Variants in DNMT3B observed in about 807,000 individuals in gnomAD.
The protein encoded by DNMT3B is DNA (cytosine-5)-methyltransferase 3B.
DNMT3B carries 37 observed loss-of-function variants against 120.2 expected under a neutral mutation model. The observed-to-expected ratio is 0.31, with a 90% CI of 0.24 to 0.40. The LOEUF is 0.40. DNMT3B is among the 10% of genes least tolerant of loss of function. The pLI is 1.00. For synonymous variants in DNMT3B, 412 were observed against 442.8 expected (o/e 0.93, Z 0.87); for missense variants, 878 against 1,137.3 (o/e 0.77, Z 3.28).
At chr20:32,765,114 G>C (rs1987229396) in intron 1 of DNMT3B, among the ~76,000 whole-genome samples, 1 of 152,084 alleles carries the variant, frequency 6.6e-6, no homozygotes, top group Non-Finnish European at 1.5e-5. Context: ...AGAGGTATGA[G>C]GTTGTGTGCT....
chr20:32,791,003 T>C (rs1053149279), intron 7 of DNMT3B, among the ~76,000 whole-genome samples: 1 of 152,216 alleles, frequency 6.6e-6, no homozygotes, highest in African/African-American at 2.4e-5. Flanking sequence ...ATTTTCTCTC[T>C]CACTGGCAAC....
intron 1 of DNMT3B, among the ~76,000 whole-genome samples, chr20:32,773,386 TC>T (rs1987864666): frequency 6.6e-6 from 1 of 152,166 alleles, no homozygotes; most frequent in South Asian, 2.1e-4. Context: ...ACTGAGCAAT[TC>T]CCCAAACGCA....
intron 12 of DNMT3B, among the ~76,000 whole-genome samples, chr20:32,796,383 C>G (rs1305106300): frequency 6.6e-6 from 1 of 152,180 alleles, no homozygotes; most frequent in African/African-American, 2.4e-5. Flanking sequence ...GTTAAAGGAC[C>G]TGGATTCTGA....
intron 3 of DNMT3B, among the ~76,000 whole-genome samples, chr20:32,781,757 A>C (rs1181242028): frequency 1.3e-5 from 2 of 152,266 alleles, no homozygotes; most frequent in Non-Finnish European, 2.9e-5. Flanking sequence ...TTCTGGTAGC[A>C]TGATGGAATC....
intron 7 of DNMT3B, among the ~76,000 whole-genome samples, chr20:32,790,385 C>T (rs893829046): frequency 9.9e-5 from 15 of 152,124 alleles, no homozygotes; most frequent in African/African-American, 3.6e-4. Context: ...TAATACAATG[C>T]AGTGTGGGGC....
At chr20:32,773,396 C>T (rs1280271724) in intron 1 of DNMT3B, among the ~76,000 whole-genome samples, 1 of 152,122 alleles carries the variant, frequency 6.6e-6, no homozygotes, top group African/African-American at 2.4e-5. Context: ...TCCCCAAACG[C>T]ATTCTGAATT....
intron 1 of DNMT3B, among the ~76,000 whole-genome samples, chr20:32,769,236 C>T (rs145497781): frequency 3.2e-3 from 485 of 152,230 alleles, no homozygotes; most frequent in African/African-American, 6.2e-3. Context: ...TACAGGCGCC[C>T]GCCACCTTGC....
chr20:32,781,443 G>C (rs780432886), intron 3 of DNMT3B, 29 bp downstream of exon 3: 22 of 1,613,500 alleles, frequency 1.4e-5, no homozygotes, highest in Non-Finnish European at 1.7e-5. Flanking sequence ...CTTTTTCAGG[G>C]CTCAGGGACT....
At chr20:32,787,023 C>T (rs1303864751) in intron 5 of DNMT3B, among the ~76,000 whole-genome samples, 1 of 152,218 alleles carries the variant, frequency 6.6e-6, no homozygotes, top group Admixed American at 6.5e-5. Context: ...GTGCCTTTGT[C>T]ATCTTTCTGT....
intron 15 of DNMT3B, 39 bp from the exon 16 acceptor site, chr20:32,799,205 T>C (rs1601123263): frequency 1.9e-6 from 3 of 1,591,408 alleles, no homozygotes; most frequent in Non-Finnish European, 2.6e-6. Flanking sequence ...GTCTTTGCCC[T>C]GTGCCTTCAC....
Position 32,802,463 on chromosome 20 carries a change from A to T in DNMT3B, c.2224A>T (p.Met742Leu). The T allele has an allele frequency of 6.2e-7, 1 of 1,614,198 alleles. No homozygotes were observed. The highest frequency in any genetic ancestry group is 8.5e-7 in the Non-Finnish European group (1 of 1,180,032). ...ATACTTCTGGGGCAACCTACCCGGG[A>T]TGAACAGGTAACAAAGGGCTCTTAG... ...ARYFWGNLPGMNRPVIASKND... is the reference protein window; with the variant it reads ...ARYFWGNLPGLNRPVIASKND... The change falls in exon 20 of 23, where the codon ATG becomes TTG. Residue 742 changes from methionine (M) to leucine (L), a missense_variant. Coordinates refer to ENST00000328111, the MANE Select transcript of DNMT3B (RefSeq NM_006892.4).
intron 13 of DNMT3B, 137 bp from the exon 14 acceptor site, chr20:32,797,050 G>A: frequency 1.2e-6 from 2 of 1,606,342 alleles, no homozygotes; most frequent in Non-Finnish European, 8.5e-7. Flanking sequence ...GCAGGTCACA[G>A]CCAGTTGTCC....
chr20:32,767,511 C>T (rs1987457067), intron 1 of DNMT3B, among the ~76,000 whole-genome samples: 1 of 151,972 alleles, frequency 6.6e-6, no homozygotes, highest in Non-Finnish European at 1.5e-5. Context: ...CTCACTGCAG[C>T]CTTGAACTCC....
intron 5 of DNMT3B, 97 bp from the exon 6 acceptor site, chr20:32,787,133 T>G: frequency 7.0e-7 from 1 of 1,423,934 alleles, no homozygotes; most frequent in Non-Finnish European, 9.9e-7. Context: ...CAGTCTTTCC[T>G]CTTTCTTTTT....
At chr20:32,804,741 G>T (rs1759337933) in intron 20 of DNMT3B, among the ~76,000 whole-genome samples, 2 of 148,634 alleles carry the variant, frequency 1.3e-5, no homozygotes, top group African/African-American at 5.0e-5. Context: ...TCCCAGGCTG[G>T]AGTGCAGTGT....
intron 1 of DNMT3B, among the ~76,000 whole-genome samples, chr20:32,778,596 C>T (rs1988191663): frequency 2.0e-5 from 3 of 152,200 alleles, no homozygotes; most frequent in African/African-American, 7.2e-5. Context: ...GCACCTCTGC[C>T]TGGGGGCGCC....
chr20:32,803,217 ATTTC>A (rs1981569542), intron 20 of DNMT3B, among the ~76,000 whole-genome samples: 1 of 152,204 alleles, frequency 6.6e-6, no homozygotes, highest in Non-Finnish European at 1.5e-5. Context: ...AGGATTAATT[ATTTC>A]TTCTATATGT....
intron 4 of DNMT3B, 36 bp downstream of exon 4, chr20:32,784,895 C>T: frequency 2.5e-6 from 4 of 1,602,042 alleles, no homozygotes; most frequent in Non-Finnish European, 3.4e-6. Flanking sequence ...GCACTTGTGG[C>T]CAACACTCTA....
chr20:32,784,984 TG>T (rs1979094550), intron 4 of DNMT3B, 125 bp downstream of exon 4: 2 of 947,654 alleles, frequency 2.1e-6, no homozygotes, highest in Admixed American at 2.0e-5. Flanking sequence ...AAAAATGTTT[TG>T]AAACTAGAAA....
Sources: gnomAD v4.1 joint callset for allele counts (sites outside exome capture counted in the v4.1 genomes callset) on GRCh38, gnomAD v4.1.1 for gene constraint, MANE v1.5 for transcripts, NCBI Gene and HGNC (gene_info 2026-07-23, HGNC 2026-07-21) for gene names.